The following SLC35F3 variants were observed in gnomAD, a reference collection of about 807,000 sequenced individuals.
SLC35F3 encodes the protein solute carrier family 35 member F3.
In SLC35F3, 25 loss-of-function variants were observed where a neutral mutation model predicts 49.9. The ratio of observed to expected loss-of-function variants is 0.50; its 90% CI spans 0.37 to 0.70. The LOEUF (loss-of-function observed/expected upper bound fraction) is 0.70. Ranked by LOEUF, SLC35F3 falls within the 30% of genes least tolerant of loss-of-function variation. The pLI, the probability that SLC35F3 is intolerant of heterozygous loss-of-function variation, is 0.00. For missense variants in SLC35F3, 525 were observed against 639.8 expected (o/e 0.82, Z 1.94); for synonymous variants, 275 against 265.4 (o/e 1.04, Z -0.35).
chr1:234,002,901 T>G (rs796614361), intron 2 of SLC35F3, among the ~76,000 whole-genome samples: 4 of 152,326 alleles, frequency 2.6e-5, no homozygotes, highest in African/African-American at 9.6e-5. Flanking sequence ...CTGACACTAT[T>G]TATTTTCTTG....
chr1:234,057,143 G>C (rs1021113408), intron 2 of SLC35F3, among the ~76,000 whole-genome samples: 2 of 152,048 alleles, frequency 1.3e-5, no homozygotes, highest in Non-Finnish European at 2.9e-5. Flanking sequence ...GCTATCCAGG[G>C]ATCTTTGTAA....
chr1:234,135,193 C>A (rs1438327788), intron 2 of SLC35F3, among the ~76,000 whole-genome samples: 1 of 152,058 alleles, frequency 6.6e-6, no homozygotes, highest in Non-Finnish European at 1.5e-5. Flanking sequence ...AACAGCTAGC[C>A]CAACATGTGG....
intron 2 of SLC35F3, among the ~76,000 whole-genome samples, chr1:233,931,776 A>C (rs1662246597): frequency 6.6e-6 from 1 of 152,256 alleles, no homozygotes. Context: ...CATTTGACCC[A>C]GCCATCCCAT....
At chr1:234,117,996 G>A (rs1244616717) in intron 2 of SLC35F3, among the ~76,000 whole-genome samples, 2 of 149,096 alleles carry the variant, frequency 1.3e-5, no homozygotes, top group Non-Finnish European at 3.0e-5. Context: ...GAAACTGTGA[G>A]ATACACAGAA....
chr1:234,075,812 C>T lies in SLC35F3; in HGVS notation c.284-155605C>T, dbSNP rs1478479463. Reference sequence around the variant, plus strand: ...CTACAGATAAAAGGTTAAACAACACCACAGGTAGCTACTCTGTGTTCACCT... The same window carrying T: ...CTACAGATAAAAGGTTAAACAACACTACAGGTAGCTACTCTGTGTTCACCT... On this transcript the variant is annotated intron_variant, in intron 2 of 7. Transcript: ENST00000366618. 4.6e-5 allele frequency among the ~76,000 whole-genome samples: 7 copies of T among 152,236 alleles called. No homozygotes were observed. In the East Asian group the frequency reaches 1.3e-3, roughly 29 times the overall value.
At chr1:233,924,110 T>C (rs143757875) in intron 2 of SLC35F3, among the ~76,000 whole-genome samples, 4,421 of 152,306 alleles carry the variant, frequency 0.029, 194 homozygotes, top group African/African-American at 0.1. Flanking sequence ...ATTATCTTTT[T>C]TTGTTGTGTC....
At chr1:234,271,803 A>G (rs767070545) in intron 3 of SLC35F3, among the ~76,000 whole-genome samples, 5 of 152,176 alleles carry the variant, frequency 3.3e-5, no homozygotes, top group Non-Finnish European at 5.9e-5. Flanking sequence ...TAATGAGTGC[A>G]GGGATTGAGC....
intron 2 of SLC35F3, among the ~76,000 whole-genome samples, chr1:234,054,883 G>GGTCT (rs916557586): frequency 1.5e-4 from 23 of 152,346 alleles, no homozygotes; most frequent in Non-Finnish European, 2.9e-4. Flanking sequence ...CTCAGCTGCA[G>GGTCT]GTCTGTTGGA....
chr1:234,138,359 A>G (rs778124803), intron 2 of SLC35F3, among the ~76,000 whole-genome samples: 1 of 152,158 alleles, frequency 6.6e-6, no homozygotes, highest in Non-Finnish European at 1.5e-5. Flanking sequence ...CCACCAGCCC[A>G]TTCTGGCAGA....
At chr1:234,098,207 ATGG>A (rs1282432294) in intron 2 of SLC35F3, among the ~76,000 whole-genome samples, 5 of 140,154 alleles carry the variant, frequency 3.6e-5, no homozygotes, top group Non-Finnish European at 6.1e-5. Context: ...GACAGTTCAG[ATGG>A]TGGTGGTAGT....
chr1:234,129,305 AAT>A (rs1665698289), intron 2 of SLC35F3, among the ~76,000 whole-genome samples: 1 of 152,248 alleles, frequency 6.6e-6, no homozygotes, highest in South Asian at 2.1e-4. Flanking sequence ...CCTTTACCAG[AAT>A]GGTTACAATC....
At chr1:234,257,458 G>T (rs1277286009) in intron 3 of SLC35F3, among the ~76,000 whole-genome samples, 1 of 152,138 alleles carries the variant, frequency 6.6e-6, no homozygotes, top group African/African-American at 2.4e-5. Context: ...GTCTTTTTAA[G>T]ATTTGCCATT....
chr1:233,968,986 A>G (rs1662946440), intron 2 of SLC35F3, among the ~76,000 whole-genome samples: 1 of 150,574 alleles, frequency 6.6e-6, no homozygotes, highest in South Asian at 2.1e-4. Context: ...GTTGCAAAGG[A>G]CACGATTTCA....
intron 2 of SLC35F3, among the ~76,000 whole-genome samples, chr1:233,911,404 GA>G (rs1471841662): frequency 1.3e-5 from 2 of 152,278 alleles, no homozygotes; most frequent in East Asian, 3.9e-4. Context: ...GATTTTAAAA[GA>G]AAAGAGTTAG....
intron 2 of SLC35F3, among the ~76,000 whole-genome samples, chr1:233,906,140 C>G (rs142526898): frequency 1.3e-3 from 205 of 152,320 alleles, no homozygotes; most frequent in Middle Eastern, 3.4e-3. Flanking sequence ...TCAGGTCTCA[C>G]CAGGCTCAGA....
intron 3 of SLC35F3, chr1:234,274,213 G>T (rs1391965989): frequency 6.6e-6 from 1 of 152,206 alleles, no homozygotes; most frequent in Non-Finnish European, 1.5e-5. Context: ...AGACCGTTTT[G>T]TGAGGTCTTC....
intron 2 of SLC35F3, among the ~76,000 whole-genome samples, chr1:234,188,485 G>T (rs1485827384): frequency 6.6e-6 from 1 of 151,980 alleles, no homozygotes; most frequent in Non-Finnish European, 1.5e-5. Context: ...AATCCTCTTG[G>T]GAACACAATT....
chr1:234,022,834 T>G (rs1205494952), intron 2 of SLC35F3, among the ~76,000 whole-genome samples: 1 of 152,216 alleles, frequency 6.6e-6, no homozygotes, highest in South Asian at 2.1e-4. Flanking sequence ...CTAATACTAA[T>G]AAGATATATT....
intron 3 of SLC35F3, among the ~76,000 whole-genome samples, chr1:234,244,246 T>A (rs6668863): frequency 0.33 from 50,654 of 152,058 alleles, 9,042 homozygotes; most frequent in East Asian, 0.69. Flanking sequence ...ATAATAAAAA[T>A]TTTTAAAGAG....
Sources: gnomAD v4.1 joint callset for allele counts (sites outside exome capture counted in the v4.1 genomes callset) on GRCh38, gnomAD v4.1.1 for gene constraint, MANE v1.5 for transcripts, NCBI Gene and HGNC (gene_info 2026-07-23, HGNC 2026-07-21) for gene names.